The following ANKS1B variants were observed in gnomAD, a reference collection of about 807,000 sequenced individuals.
ANKS1B encodes ankyrin repeat and sterile alpha motif domain-containing protein 1B.
In ANKS1B, 36 loss-of-function variants were observed where a neutral mutation model predicts 148.3. The ratio of observed to expected loss-of-function variants is 0.24; its 90% CI spans 0.19 to 0.32. The LOEUF is 0.32. Ranked by LOEUF, ANKS1B falls within the 10% of genes least tolerant of loss-of-function variation. The pLI, the probability that ANKS1B is intolerant of heterozygous loss-of-function variation, is 1.00. For missense variants in ANKS1B, 1,157 were observed against 1,542.6 expected, an observed-to-expected ratio of 0.75 and a Z score of 4.19; for synonymous variants, 542 against 560.8, an observed-to-expected ratio of 0.97 and a Z score of 0.47.
chr12:99,217,814 A>G (rs920756018), intron 14 of ANKS1B, among the ~76,000 whole-genome samples: 38 of 152,342 alleles, frequency 2.5e-4, no homozygotes, highest in Admixed American at 2.0e-3. Flanking sequence ...TCCAATCCTT[A>G]TAACAAATCT....
At chr12:99,530,838 T>C (rs1037489273) in intron 9 of ANKS1B, among the ~76,000 whole-genome samples, 7 of 152,192 alleles carry the variant, frequency 4.6e-5, no homozygotes, top group African/African-American at 1.7e-4. Context: ...ATCATGATCA[T>C]CCAATAAATA....
chr12:99,393,232 C>A (rs1331418833), intron 12 of ANKS1B, among the ~76,000 whole-genome samples: 1 of 152,154 alleles, frequency 6.6e-6, no homozygotes. Context: ...CACTGGCAAC[C>A]ATTAAGGGGA....
At chr12:98,929,166 C>A (rs966769529) in intron 17 of ANKS1B, among the ~76,000 whole-genome samples, 3 of 151,514 alleles carry the variant, frequency 2.0e-5, no homozygotes, top group Non-Finnish European at 4.4e-5. Context: ...GAAATTAAGA[C>A]AAAAATTCCT....
chr12:99,489,105 G>A (rs892896774), intron 10 of ANKS1B, among the ~76,000 whole-genome samples: 1 of 152,038 alleles, frequency 6.6e-6, no homozygotes, highest in East Asian at 1.9e-4. Context: ...AGCTAGGCAT[G>A]GTGGCACGCA....
chr12:98,920,470 A>G (rs2099800012), intron 17 of ANKS1B, among the ~76,000 whole-genome samples: 2 of 152,228 alleles, frequency 1.3e-5, no homozygotes, highest in Non-Finnish European at 2.9e-5. Flanking sequence ...TCATGGTGGA[A>G]GGAAAGGAGG....
chr12:99,030,171 C>G (rs2099951132), intron 17 of ANKS1B, among the ~76,000 whole-genome samples: 1 of 152,222 alleles, frequency 6.6e-6, no homozygotes, highest in African/African-American at 2.4e-5. Flanking sequence ...AGAGCACCAC[C>G]ACATCAACTG....
chr12:99,004,893 G>A (rs1412877734), intron 17 of ANKS1B, among the ~76,000 whole-genome samples: 2 of 152,056 alleles, frequency 1.3e-5, no homozygotes, highest in African/African-American at 4.8e-5. Flanking sequence ...GAGGGCAGAA[G>A]GTTTTTCTCC....
chr12:98,917,219 C>T (rs2099795555), intron 17 of ANKS1B, among the ~76,000 whole-genome samples: 1 of 152,156 alleles, frequency 6.6e-6, no homozygotes, highest in African/African-American at 2.4e-5. Context: ...AGCATTTTCC[C>T]GTTGGAGAAA....
intron 24 of ANKS1B, among the ~76,000 whole-genome samples, chr12:98,778,632 A>G (rs1371107175): frequency 6.6e-6 from 1 of 152,168 alleles, no homozygotes; most frequent in African/African-American, 2.4e-5. Flanking sequence ...ACACACTGCT[A>G]GAATCTAGGT....
At chr12:99,975,350 T>C (rs977801988) in intron 1 of ANKS1B, among the ~76,000 whole-genome samples, 4 of 152,218 alleles carry the variant, frequency 2.6e-5, no homozygotes, top group African/African-American at 7.2e-5. Context: ...CACTATGAAT[T>C]AACTGTCAGG....
At chr12:99,050,976 C>A (rs534542376) in intron 17 of ANKS1B, among the ~76,000 whole-genome samples, 2 of 152,072 alleles carry the variant, frequency 1.3e-5, no homozygotes, top group South Asian at 4.2e-4. Flanking sequence ...GGATTACCGG[C>A]GTGAACCACC....
chr12:98,998,840 C>G (rs545258890), intron 17 of ANKS1B, among the ~76,000 whole-genome samples: 1 of 152,242 alleles, frequency 6.6e-6, no homozygotes, highest in East Asian at 1.9e-4. Flanking sequence ...AGTGATGGAA[C>G]GAGCTCGTTA....
intron 9 of ANKS1B, among the ~76,000 whole-genome samples, chr12:99,530,480 T>C (rs1314540798): frequency 6.6e-6 from 1 of 152,170 alleles, no homozygotes; most frequent in Non-Finnish European, 1.5e-5. Flanking sequence ...CACTTATCCA[T>C]AACTCTCCAC....
chr12:99,184,141 T>G (rs2079487209), intron 14 of ANKS1B, among the ~76,000 whole-genome samples: 1 of 152,222 alleles, frequency 6.6e-6, no homozygotes, highest in Non-Finnish European at 1.5e-5. Flanking sequence ...ACAAGCACTG[T>G]GTTCAGTACC....
chr12:99,971,961 C>T (rs990490762), intron 1 of ANKS1B, among the ~76,000 whole-genome samples: 9 of 152,042 alleles, frequency 5.9e-5, no homozygotes, highest in African/African-American at 2.2e-4. Context: ...TCCATTTTTC[C>T]AATTAGGCCA....
chr12:99,192,702 T>A (rs1388661365), intron 14 of ANKS1B, among the ~76,000 whole-genome samples: 1 of 152,048 alleles, frequency 6.6e-6, no homozygotes, highest in South Asian at 2.1e-4. Context: ...AAATAAAGCA[T>A]GACGTCAACC....
rs1308641304 is a variant in ANKS1B at position 98,896,572 on chromosome 12, G to A, written c.2779-64436C>T. 5.3e-5 allele frequency among the ~76,000 whole-genome samples: 8 copies of A among 152,320 alleles called. No individual in the cohort carries two copies. In the South Asian group the frequency reaches 1.4e-3, roughly 28 times the overall value. On this transcript the variant is annotated intron_variant, in intron 17 of 26. Coordinates refer to ENST00000683438, the MANE Select transcript of ANKS1B (RefSeq NM_001352186.2). The stretch of plus-strand genomic sequence containing the variant: ...TGCTTCTGTGAGGGTCAGGATAATA[G>A]TATACCTGAAACCGCCCTTTTAGCA...
chr12:98,783,262 T>G (rs79408008), intron 22 of ANKS1B, among the ~76,000 whole-genome samples: 2,753 of 152,334 alleles, frequency 0.018, 76 homozygotes, highest in African/African-American at 0.062. Flanking sequence ...AGTTCAGGGA[T>G]GGCAGACAGA....
chr12:98,995,763 G>T (rs1457243219), intron 17 of ANKS1B, among the ~76,000 whole-genome samples: 1 of 152,136 alleles, frequency 6.6e-6, no homozygotes, highest in East Asian at 1.9e-4. Context: ...CTTTATAATC[G>T]AGAGAAAGAG....
Sources: allele counts gnomAD v4.1 joint callset (sites outside exome capture counted in the v4.1 genomes callset), GRCh38; gene constraint gnomAD v4.1.1; transcripts MANE v1.5; gene names NCBI Gene and HGNC (gene_info 2026-07-23, HGNC 2026-07-21).